The following WDFY2 variants were observed in gnomAD, a reference collection of about 807,000 sequenced individuals.
WDFY2 encodes WD repeat and FYVE domain-containing protein 2.
In WDFY2, 36 loss-of-function variants were observed where a neutral mutation model predicts 56.4. The observed-to-expected ratio is 0.64, with a 90% CI of 0.49 to 0.84. The LOEUF (loss-of-function observed/expected upper bound fraction) is 0.84. Ranked by LOEUF, WDFY2 falls within the 40% of genes least tolerant of loss-of-function variation. The pLI, the probability that WDFY2 is intolerant of heterozygous loss-of-function variation, is 0.00. For missense variants in WDFY2, 444 were observed against 512.2 expected, an observed-to-expected ratio of 0.87 and a Z score of 1.29; for synonymous variants, 176 against 183.7, an observed-to-expected ratio of 0.96 and a Z score of 0.34.
intron 1 of WDFY2, chr13:51,598,629 T>C (rs1028095788): frequency 6.6e-6 from 1 of 152,218 alleles, no homozygotes; most frequent in African/African-American, 2.4e-5. Flanking sequence ...AAAATCACTG[T>C]AATAGGACTA....
chr13:51,667,893 T>TTTTTTTTTTTTTTTTTTTTTTTTG (rs1955739165), intron 2 of WDFY2, among the ~76,000 whole-genome samples: 1 of 126,808 alleles, frequency 7.9e-6, no homozygotes, highest in Non-Finnish European at 1.6e-5. Flanking sequence ...TTTTTTTTTT[T>TTTTTTTTTTTTTTTTTTTTTTTTG]TTTTTTTTTT....
chr13:51,648,400 G>A (rs775709599), intron 1 of WDFY2, among the ~76,000 whole-genome samples: 4 of 152,142 alleles, frequency 2.6e-5, no homozygotes, highest in African/African-American at 4.8e-5. Context: ...AGAGATTTTT[G>A]ATTGATTCTT....
chr13:51,690,972 T>C (rs202067729), intron 3 of WDFY2, among the ~76,000 whole-genome samples: 11,207 of 152,252 alleles, frequency 0.074, 561 homozygotes, highest in Middle Eastern at 0.13. Flanking sequence ...TTTCATGTGT[T>C]TTTTGGCTGC....
chr13:51,670,489 GCACACACACACACACACACA>G lies in WDFY2; in HGVS notation c.206-4652_206-4633del, dbSNP rs55984632. Among the ~76,000 whole-genome samples the G allele has an allele frequency of 7.6e-5, 10 of 131,498 alleles. No homozygotes were observed. In the South Asian group the frequency reaches 8.1e-4, roughly 11 times the overall value. 86.3% of individuals were successfully genotyped at this position (131,498 alleles called of 152,430 possible). ...TACGTCTCACCTACTGTGCGCACATGCACACACACACACACACACACACACACACACACACACACACACAC... is the reference window on the plus strand; with the variant it reads ...TACGTCTCACCTACTGTGCGCACATGCACACACACACACACACACACACAC... On this transcript the variant is annotated intron_variant, in intron 2 of 11. Coordinates refer to ENST00000298125, the MANE Select transcript of WDFY2 (RefSeq NM_052950.4).
At chr13:51,749,143 G>T (rs1047924714) in intron 7 of WDFY2, among the ~76,000 whole-genome samples, 1 of 152,052 alleles carries the variant, frequency 6.6e-6, no homozygotes, top group African/African-American at 2.4e-5. Context: ...TTTTTTTACA[G>T]AATATGTGAC....
chr13:51,709,465 G>T (rs1054379797), intron 4 of WDFY2, among the ~76,000 whole-genome samples: 1 of 152,060 alleles, frequency 6.6e-6, no homozygotes, highest in African/African-American at 2.4e-5. Context: ...AACATAGCAA[G>T]ATGCTGTTTC....
chr13:51,628,797 A>C (rs1473683173), intron 1 of WDFY2, among the ~76,000 whole-genome samples: 1 of 152,206 alleles, frequency 6.6e-6, no homozygotes, highest in African/African-American at 2.4e-5. Flanking sequence ...TGCAGTGTCT[A>C]AAAAGGGCCT....
chr13:51,595,085 G>T (rs1265494629), intron 1 of WDFY2, among the ~76,000 whole-genome samples: 1 of 152,100 alleles, frequency 6.6e-6, no homozygotes, highest in Non-Finnish European at 1.5e-5. Context: ...AATTTGCCCT[G>T]TGACAGCCAG....
At chr13:51,695,672 G>C (rs766058791) in intron 3 of WDFY2, among the ~76,000 whole-genome samples, 1 of 152,252 alleles carries the variant, frequency 6.6e-6, no homozygotes, top group South Asian at 2.1e-4. Flanking sequence ...CCTGTTCTCA[G>C]ATCTCTAGCT....
chr13:51,628,563 G>A (rs761961240), intron 1 of WDFY2, among the ~76,000 whole-genome samples: 1 of 152,234 alleles, frequency 6.6e-6, no homozygotes, highest in African/African-American at 2.4e-5. Flanking sequence ...CAGGGTTTCC[G>A]CCTGTTCCTT....
At chr13:51,706,142 A>G (rs767589086) in intron 4 of WDFY2, among the ~76,000 whole-genome samples, 3 of 152,230 alleles carry the variant, frequency 2.0e-5, no homozygotes, top group Non-Finnish European at 2.9e-5. Context: ...CAAAAAATTG[A>G]TAACTAGAGT....
intron 1 of WDFY2, among the ~76,000 whole-genome samples, chr13:51,620,735 C>T (rs189884349): frequency 2.0e-5 from 3 of 152,202 alleles, no homozygotes; most frequent in East Asian, 1.9e-4. Context: ...GTAGCTGAGC[C>T]GGGGATGGTG....
intron 1 of WDFY2, among the ~76,000 whole-genome samples, chr13:51,651,426 T>C (rs1481761323): frequency 6.6e-6 from 1 of 152,218 alleles, no homozygotes; most frequent in Non-Finnish European, 1.5e-5. Flanking sequence ...TCAGTTCTGC[T>C]CTGATCTTAG....
At chr13:51,601,247 C>T (rs994280610) in intron 1 of WDFY2, among the ~76,000 whole-genome samples, 9 of 152,098 alleles carry the variant, frequency 5.9e-5, no homozygotes, top group African/African-American at 2.2e-4. Flanking sequence ...TATATGGGCA[C>T]AGCATATATC....
intron 2 of WDFY2, among the ~76,000 whole-genome samples, 156 bp downstream of exon 2, chr13:51,660,819 T>C (rs1168437560): frequency 1.3e-5 from 2 of 152,236 alleles, no homozygotes; most frequent in Non-Finnish European, 2.9e-5. Context: ...AGGCTTTCAC[T>C]ATGTAAAGTA....
chr13:51,695,282 T>C (rs1261975577), intron 3 of WDFY2, among the ~76,000 whole-genome samples: 2 of 152,212 alleles, frequency 1.3e-5, no homozygotes, highest in African/African-American at 4.8e-5. Context: ...TTCCAGTTTT[T>C]CTGCTCTGTT....
intron 1 of WDFY2, among the ~76,000 whole-genome samples, chr13:51,622,690 A>C (rs766884866): frequency 5.3e-5 from 8 of 152,224 alleles, no homozygotes; most frequent in Non-Finnish European, 1.0e-4. Context: ...GGTTGAAAGC[A>C]TAAAAACACA....
In WDFY2 at chr13:51,703,642, A is replaced by T; in HGVS notation, c.326A>T (p.Asn109Ile). 1 of 1,610,362 alleles carries T rather than the reference A, an allele frequency of 6.2e-7. No individual in the cohort carries two copies. The highest frequency in any genetic ancestry group is 1.7e-5 in the Admixed American group (1 of 59,610). The change falls in exon 4 of 12, where the codon AAC becomes ATC. Residue 109 changes from asparagine to isoleucine, a missense_variant. Asn to Ile is a moderately radical substitution (Grantham distance 149, BLOSUM62 -3). Coordinates refer to ENST00000298125, the MANE Select transcript of WDFY2 (RefSeq NM_052950.4). ...EDYNKMTPVK[N>I]YQAHQSRVTM... ...TATAACAAGATGACTCCTGTGAAAA[A>T]CTATCAAGGTAGGGAGTGAGAGGAG...
intron 1 of WDFY2, among the ~76,000 whole-genome samples, 154 bp from the exon 2 acceptor site, chr13:51,660,442 C>T (rs768581858): frequency 6.6e-5 from 10 of 151,866 alleles, no homozygotes; most frequent in Non-Finnish European, 1.5e-4. Flanking sequence ...TCAAGTGATA[C>T]GCCTACCTCG....
Sources: allele counts gnomAD v4.1 joint callset (sites outside exome capture counted in the v4.1 genomes callset), GRCh38; gene constraint gnomAD v4.1.1; transcripts MANE v1.5; gene names NCBI Gene and HGNC (gene_info 2026-07-23, HGNC 2026-07-21).